Variants in IRAK4 observed in about 807,000 individuals in gnomAD.
IRAK4 encodes interleukin 1 receptor associated kinase 4.
Under a neutral mutation model 51.8 loss-of-function variants are expected in IRAK4, and 44 were observed. That is an observed-to-expected ratio of 0.85 (90% CI 0.67 to 1.09). The LOEUF (loss-of-function observed/expected upper bound fraction) is 1.09, where lower values mean the gene tolerates loss of function less well. Ranked by LOEUF, IRAK4 falls within the 50% of genes least tolerant of loss-of-function variation. IRAK4 has a pLI of 0.00. For missense variants in IRAK4, 487 were observed against 538.0 expected, an observed-to-expected ratio of 0.91 and a Z score of 0.94; for synonymous variants, 149 against 174.1, an observed-to-expected ratio of 0.86 and a Z score of 1.13.
rs779771826 is a variant in IRAK4 at position 43,772,279 on chromosome 12, C to A, written c.407C>A (p.Thr136Lys). 6.2e-7 allele frequency: 1 copy of A among 1,613,714 alleles called. No homozygotes were observed. Among genetic ancestry groups the A allele is most frequent in the Admixed American group, 1.7e-5 (1 of 60,026 alleles). The change falls in exon 4 of 12, where the codon ACA becomes AAA. Residue 136 changes from threonine (T) to lysine (K), a missense_variant. Coordinates refer to ENST00000613694, the MANE Select transcript of IRAK4 (RefSeq NM_016123.4). ...PFCDKDRTLM[T>K]PVQNLEQSYM... is the part of the protein sequence containing the mutation. ...TGTGACAAAGACAGGACATTGATGA[C>A]ACCTGTGCAGAATCTTGAACAAAGC...
intron 1 of IRAK4, 105 bp downstream of exon 1, chr12:43,759,121 A>G (rs567654648): frequency 3.9e-5 from 6 of 152,340 alleles, no homozygotes; most frequent in African/African-American, 1.4e-4. Flanking sequence ...TGCGGAACGG[A>G]AATCTCTTTA....
At chr12:43,782,546 T>G in intron 9 of IRAK4, 56 bp downstream of exon 9, 1 of 1,401,734 alleles carries the variant, frequency 7.1e-7, no homozygotes, top group African/African-American at 1.4e-5. Flanking sequence ...ATTGTGAAAA[T>G]GAAGAGAATA....
chr12:43,779,077 C>T (rs1941550009), intron 8 of IRAK4, among the ~76,000 whole-genome samples: 1 of 151,930 alleles, frequency 6.6e-6, no homozygotes, highest in Non-Finnish European at 1.5e-5. Flanking sequence ...GACTATGTTC[C>T]CTGAACAACA....
At position 43,788,251 on chromosome 12, in the gene IRAK4, A is replaced by G. The variant is rs1942338772; in HGVS notation, c.*1536A>G. 6.6e-6 allele frequency: 1 copy of G among 152,280 alleles called. No homozygotes were observed. The highest frequency in any genetic ancestry group is 2.4e-5 in the African/African-American group (1 of 41,468). 9.4% of individuals were successfully genotyped at this position (152,280 alleles called of 1,614,324 possible). Reference sequence around the variant, plus strand: ...AGAGCATGTACAGCGGGAGGCTTATAGTGTACGTACTGAAATGTGGGGTTG... The same window carrying G: ...AGAGCATGTACAGCGGGAGGCTTATGGTGTACGTACTGAAATGTGGGGTTG... On this transcript the variant is annotated 3_prime_UTR_variant, in exon 12 of 12. Transcript: ENST00000613694.
chr12:43,783,802 C>A, intron 10 of IRAK4, 78 bp downstream of exon 10: 2 of 926,286 alleles, frequency 2.2e-6, no homozygotes, highest in Non-Finnish European at 3.4e-6. Flanking sequence ...AATTTGACAT[C>A]TAAAAATAAC....
rs754524828 is a variant in IRAK4, at chr12:43,772,880, A to C, written c.491-32A>C. Reference sequence around the variant, plus strand: ...TATAATTATTAAAACGAATTTTTAAAATTTAAGCATGTTTTTCTTATTTTG... The same window carrying C: ...TATAATTATTAAAACGAATTTTTAACATTTAAGCATGTTTTTCTTATTTTG... On this transcript the variant is annotated intron_variant, in intron 4 of 11. Transcript: ENST00000613694. The C allele has an allele frequency of 3.3e-6, 5 of 1,506,550 alleles. No individual in the cohort carries two copies. The South Asian group carries it at 4.8e-5, about 15-fold the overall frequency. 93.3% of individuals were successfully genotyped at this position (1,506,550 alleles called of 1,614,324 possible). A position where few individuals can be genotyped will look rare whatever the true frequency, so the allele number is the denominator to read the frequency against.
In IRAK4 at chr12:43,776,035, C is replaced by T. The variant is rs1274255313; in HGVS notation, c.717-1595C>T. On this transcript the variant is annotated intron_variant, in intron 6 of 11. Coordinates refer to ENST00000613694, the MANE Select transcript of IRAK4 (RefSeq NM_016123.4). ...TAGCTGGGACTACAGGCGACCGTCA[C>T]CATGCCCGGCTAATTTTGTTTTTGT... Among the ~76,000 whole-genome samples, 3 of 151,924 alleles carry T rather than the reference C, an allele frequency of 2.0e-5. No individual in the cohort carries two copies. In the East Asian group the frequency reaches 5.8e-4, roughly 29 times the overall value.
Position 43,773,238 on chromosome 12 carries a change from A to G in IRAK4, c.651+166A>G, listed in dbSNP as rs150309742. On this transcript the variant is annotated intron_variant, in intron 5 of 11. Coordinates refer to ENST00000613694, the MANE Select transcript of IRAK4 (RefSeq NM_016123.4). ...AAAATTTTAAAATCTGTTGAACACT[A>G]TGGACCCTACCCCTAGAAAAATGTG... is the stretch of plus-strand genomic sequence containing the variant. 1.0e-3 allele frequency among the ~76,000 whole-genome samples: 153 copies of G among 152,296 alleles called. No individual in the cohort carries two copies. In the Middle Eastern group the frequency reaches 0.01, roughly 10 times the overall value.
At position 43,782,321 on chromosome 12, in the gene IRAK4, T is replaced by C. The variant is rs1487085539; in HGVS notation, c.956T>C (p.Leu319Pro). 6.2e-7 allele frequency: 1 copy of C among 1,613,082 alleles called. No homozygotes were observed. Among genetic ancestry groups the C allele is most frequent in the Non-Finnish European group, 8.5e-7 (1 of 1,179,064 alleles). Residue 319 changes from leucine to proline, a missense_variant, in exon 9 of 12, where the codon CTG becomes CCG. Coordinates refer to ENST00000613694, the MANE Select transcript of IRAK4 (RefSeq NM_016123.4). ...HRDIKSANIL[L>P]DEAFTAKISD... is the part of the protein sequence containing the mutation. ...ATTTTTTTCAGTGCAAATATCTTACTGGATGAAGCTTTTACTGCTAAAATA... is the reference window on the plus strand; with the variant it reads ...ATTTTTTTCAGTGCAAATATCTTACCGGATGAAGCTTTTACTGCTAAAATA...
intron 6 of IRAK4, among the ~76,000 whole-genome samples, chr12:43,775,641 A>G (rs903088380): frequency 2.0e-5 from 3 of 152,200 alleles, no homozygotes; most frequent in Non-Finnish European, 2.9e-5. Flanking sequence ...TCTAATTTTC[A>G]GTATTAAAAA....
At chr12:43,770,885 C>G (rs1442598443) in intron 2 of IRAK4, among the ~76,000 whole-genome samples, 5 of 152,068 alleles carry the variant, frequency 3.3e-5, no homozygotes, top group African/African-American at 1.2e-4. Context: ...GGATTAATGT[C>G]GTCATGGCAG....
Position 43,789,231 on chromosome 12 carries a change from A to G in IRAK4, c.*2516A>G, listed in dbSNP as rs1592272435. On this transcript the variant is annotated 3_prime_UTR_variant, in exon 12 of 12. Transcript: ENST00000613694. ...TTTGGGTCATGGTGGATGATCCCTC[A>G]TGAATGGCTTAGAGCCACTGGTGAT... is the stretch of plus-strand genomic sequence containing the variant. 1 of 152,188 alleles carries G rather than the reference A, an allele frequency of 6.6e-6. No homozygotes were observed. Among genetic ancestry groups the G allele is most frequent in the Non-Finnish European group, 1.5e-5 (1 of 68,056 alleles). The allele number at this position is 152,188 out of a possible 1,614,324, so 9.4% of individuals were successfully genotyped here.
intron 10 of IRAK4, among the ~76,000 whole-genome samples, chr12:43,784,298 C>T (rs1001382641): frequency 6.6e-6 from 1 of 152,138 alleles, no homozygotes; most frequent in African/African-American, 2.4e-5. Flanking sequence ...AAGGGTTTCT[C>T]CCCACCAACA....
chr12:43,762,895 CTG>C (rs1378145579), intron 1 of IRAK4, among the ~76,000 whole-genome samples: 1 of 152,202 alleles, frequency 6.6e-6, no homozygotes, highest in Non-Finnish European at 1.5e-5. Context: ...TCAAATATAT[CTG>C]TATTTAAACC....
chr12:43,767,558 G>A (rs1940290690), intron 1 of IRAK4, among the ~76,000 whole-genome samples: 1 of 152,106 alleles, frequency 6.6e-6, no homozygotes, highest in Non-Finnish European at 1.5e-5. Flanking sequence ...AATGTGCAGA[G>A]GTCAAGGAAG....
At chr12:43,773,427 TTAAAAA>T (rs1315260381) in intron 5 of IRAK4, among the ~76,000 whole-genome samples, 27 of 152,246 alleles carry the variant, frequency 1.8e-4, no homozygotes, top group African/African-American at 6.3e-4. Flanking sequence ...CTTTTCCCAT[TTAAAAA>T]TAAAATTTAG....
At chr12:43,783,791 A>G in intron 10 of IRAK4, 67 bp downstream of exon 10, 1 of 1,021,856 alleles carries the variant, frequency 9.8e-7, no homozygotes, top group Non-Finnish European at 1.5e-6. Context: ...TTATATGGAT[A>G]AATTTGACAT....
chr12:43,760,887 G>GT lies in IRAK4; in HGVS notation c.-10+1879dup, dbSNP rs929915223. 14 of 151,360 alleles carry GT rather than the reference G, an allele frequency of 9.2e-5. 1 individual carries two copies. Among genetic ancestry groups the GT allele is most frequent in the East Asian group, 5.8e-4 (3 of 5,140 alleles). The allele number at this position is 151,360 out of a possible 1,614,324, so 9.4% of individuals were successfully genotyped here. ...TGAATTCAGGTTTTGGTTTTGTTTT[G>GT]TTTTTTTTCTCTAATTTTCCTAATG... On this transcript the variant is annotated intron_variant, in intron 1 of 11. Transcript: ENST00000613694.
chr12:43,767,480 G>A (rs1210283587), intron 1 of IRAK4, among the ~76,000 whole-genome samples: 1 of 152,218 alleles, frequency 6.6e-6, no homozygotes, highest in Non-Finnish European at 1.5e-5. Context: ...AGTAGTTGAA[G>A]TGGTGAAGCA....
Sources: allele counts gnomAD v4.1 joint callset (sites outside exome capture counted in the v4.1 genomes callset), GRCh38; gene constraint gnomAD v4.1.1; transcripts MANE v1.5; gene names NCBI Gene and HGNC (gene_info 2026-07-23, HGNC 2026-07-21).